The following DCAF8L2 variants were observed in gnomAD, a reference collection of about 807,000 sequenced individuals.
DCAF8L2 encodes the protein DDB1 and CUL4 associated factor 8 like 2.
For synonymous variants in DCAF8L2, 200 were observed against 190.9 expected, an observed-to-expected ratio of 1.05 and a Z score of -0.39; for missense variants, 430 against 490.7, an observed-to-expected ratio of 0.88 and a Z score of 1.17.
intron 4 of DCAF8L2, among the ~76,000 whole-genome samples, chrX:27,728,601 C>G (rs1337842274): frequency 9.0e-6 from 1 of 111,298 alleles, no homozygotes; most frequent in African/African-American, 3.3e-5. Flanking sequence ...TCCAGCCATT[C>G]CGGCCCCTGT....
chrX:27,639,383 C>A (rs191485778), intron 2 of DCAF8L2, among the ~76,000 whole-genome samples: 2 of 111,345 alleles, frequency 1.8e-5, no homozygotes, highest in East Asian at 5.7e-4. Flanking sequence ...CACAACAGGG[C>A]GACTATAGTT....
At chrX:27,563,332 T>C in the DCAF8L2 span, among the ~76,000 whole-genome samples, 3 of 112,146 alleles carry the variant, frequency 2.7e-5, no homozygotes, top group Non-Finnish European at 5.6e-5. Context: ...TTTAAAATGA[T>C]TTTTTGTCCT....
Position 27,747,282 on chromosome X carries a change from A to AGGG in DCAF8L2, c.388_389insGGG (p.Glu129_Glu130insGly). The AGGG allele has an allele frequency of 1.1e-6, 1 of 945,120 alleles. No homozygotes were observed. The highest frequency in any genetic ancestry group is 1.4e-6 in the Non-Finnish European group (1 of 705,768). 77.9% of individuals were successfully genotyped at this position (945,120 alleles called of 1,213,427 possible). A position where few individuals can be genotyped will look rare whatever the true frequency, so the allele number is the denominator to read the frequency against. On this transcript the variant is annotated inframe_insertion, in exon 5 of 5. Coordinates refer to ENST00000451261, the MANE Select transcript of DCAF8L2 (RefSeq NM_001353450.2). ...AAGAGGAGGGAGGGGAGGAGGAGGA[A>AGGG]GAGGAGGAGGAGGAGGAGGAGGAGG...
At chrX:27,667,471 T>C (rs1929782189) in intron 2 of DCAF8L2, among the ~76,000 whole-genome samples, 1 of 110,385 alleles carries the variant, frequency 9.1e-6, no homozygotes, top group Non-Finnish European at 1.9e-5. Flanking sequence ...CAAACTGTGG[T>C]TTTAGAGGTC....
intron 1 of DCAF8L2, among the ~76,000 whole-genome samples, chrX:27,630,145 G>T (rs2147170039): frequency 9.0e-6 from 1 of 111,359 alleles, no homozygotes; most frequent in Admixed American, 9.6e-5. Flanking sequence ...TTTCTCTGTT[G>T]ATTTTGTAGT....
intron 3 of DCAF8L2, among the ~76,000 whole-genome samples, chrX:27,696,284 AAG>A (rs1377073111): frequency 1.9e-5 from 1 of 52,687 alleles, no homozygotes; most frequent in Non-Finnish European, 3.5e-5. Flanking sequence ...GAAAGAAAGA[AAG>A]AAAGAAAGAA....
intron 1 of DCAF8L2, among the ~76,000 whole-genome samples, chrX:27,595,319 C>T (rs1011803198): frequency 8.9e-6 from 1 of 111,738 alleles, no homozygotes; most frequent in Non-Finnish European, 1.9e-5. Flanking sequence ...AAAAAAGCAG[C>T]ATGGCCAACT....
chrX:27,605,358 C>T (rs759701778), intron 1 of DCAF8L2, among the ~76,000 whole-genome samples: 1 of 111,446 alleles, frequency 9.0e-6, no homozygotes, highest in Non-Finnish European at 1.9e-5. Flanking sequence ...TATGTGAAGG[C>T]ACTAAATTGA....
chrX:27,716,921 C>G (rs1931720063), intron 4 of DCAF8L2, among the ~76,000 whole-genome samples: 1 of 111,236 alleles, frequency 9.0e-6, no homozygotes, highest in Admixed American at 9.6e-5. Flanking sequence ...GTGTGTTGTT[C>G]TCCTCCCTGT....
the DCAF8L2 span, among the ~76,000 whole-genome samples, chrX:27,522,836 C>T: frequency 9.0e-6 from 1 of 111,319 alleles, no homozygotes; most frequent in Non-Finnish European, 1.9e-5. Flanking sequence ...TGACATGAAG[C>T]AAGTAGATAA....
chrX:27,477,301 T>G, the DCAF8L2 span, among the ~76,000 whole-genome samples: 1 of 111,977 alleles, frequency 8.9e-6, no homozygotes, highest in Non-Finnish European at 1.9e-5. Flanking sequence ...TGTTTTTGTT[T>G]TTTTGAGACG....
At chrX:27,707,618 G>A (rs1411737384) in intron 3 of DCAF8L2, among the ~76,000 whole-genome samples, 1 of 111,316 alleles carries the variant, frequency 9.0e-6, no homozygotes, top group Non-Finnish European at 1.9e-5. Context: ...ATGAAGACTC[G>A]GTAATATCTA....
the DCAF8L2 span, among the ~76,000 whole-genome samples, chrX:27,506,321 C>A: frequency 1.8e-5 from 2 of 111,421 alleles, no homozygotes; most frequent in Non-Finnish European, 3.8e-5. Flanking sequence ...CTTTGTACAC[C>A]CTCGTCCATG....
At chrX:27,504,614 T>G in the DCAF8L2 span, among the ~76,000 whole-genome samples, 1 of 110,930 alleles carries the variant, frequency 9.0e-6, no homozygotes, top group Admixed American at 9.7e-5. Context: ...ACTCCAAATT[T>G]TTATTGCATC....
chrX:27,622,191 G>A (rs938360927), intron 1 of DCAF8L2, among the ~76,000 whole-genome samples: 2 of 109,627 alleles, frequency 1.8e-5, no homozygotes, highest in Admixed American at 9.8e-5. Flanking sequence ...TTGGGAGGCC[G>A]AGACGGGCGG....
intron 2 of DCAF8L2, among the ~76,000 whole-genome samples, chrX:27,659,196 G>A (rs1222294096): frequency 2.7e-5 from 3 of 112,082 alleles, no homozygotes; most frequent in Admixed American, 9.5e-5. Context: ...GTTACCTCCT[G>A]TTCCTGATGT....
chrX:27,553,842 T>C, the DCAF8L2 span, among the ~76,000 whole-genome samples: 3 of 112,506 alleles, frequency 2.7e-5, no homozygotes, highest in African/African-American at 9.7e-5. Context: ...GTTTATCTTT[T>C]ATAGGTTTTT....
chrX:27,490,129 G>C, the DCAF8L2 span, among the ~76,000 whole-genome samples: 74 of 111,791 alleles, frequency 6.6e-4, 1 homozygote, highest in African/African-American at 2.4e-3. Flanking sequence ...CTCCCACCTT[G>C]GGAAGGCCAC....
the DCAF8L2 span, among the ~76,000 whole-genome samples, chrX:27,476,534 A>T: frequency 9.0e-6 from 1 of 111,074 alleles, no homozygotes; most frequent in African/African-American, 3.3e-5. Context: ...ATGAGTTGAG[A>T]TTGAGGTACA....
Sources: allele counts gnomAD v4.1 joint callset (sites outside exome capture counted in the v4.1 genomes callset), GRCh38; gene constraint gnomAD v4.1.1; transcripts MANE v1.5; gene names NCBI Gene and HGNC (gene_info 2026-07-23, HGNC 2026-07-21).